Variants in CADM2 observed in about 807,000 individuals in gnomAD.
CADM2 encodes the protein cell adhesion molecule 2.
CADM2 carries 12 observed loss-of-function variants against 49.8 expected under a neutral mutation model. The observed-to-expected ratio is 0.24, with a 90% CI of 0.15 to 0.39. The LOEUF is 0.39. Among genes scored for constraint, CADM2 ranks in the 10% least tolerant of loss-of-function variants. The pLI, the probability that CADM2 is intolerant of heterozygous loss-of-function variation, is 1.00. For missense variants in CADM2, 378 were observed against 492.3 expected, an observed-to-expected ratio of 0.77 and a Z score of 2.20; for synonymous variants, 214 against 175.4, an observed-to-expected ratio of 1.22 and a Z score of -1.74.
At chr3:85,883,926 A>G (rs1310336050) in intron 4 of CADM2, among the ~76,000 whole-genome samples, 1 of 152,166 alleles carries the variant, frequency 6.6e-6, no homozygotes, top group Non-Finnish European at 1.5e-5. Context: ...GTGCATTTAA[A>G]TGACCCTGAT....
chr3:85,471,659 C>T (rs1416591005), intron 1 of CADM2, among the ~76,000 whole-genome samples: 4 of 145,284 alleles, frequency 2.8e-5, no homozygotes, highest in African/African-American at 5.1e-5. Flanking sequence ...AATCTAACTG[C>T]GTTTGTTTTT....
chr3:85,549,119 T>A (rs543366281), intron 1 of CADM2, among the ~76,000 whole-genome samples: 1 of 152,256 alleles, frequency 6.6e-6, no homozygotes, highest in South Asian at 2.1e-4. Context: ...AGGAGGAGTC[T>A]CAAGGGGTCA....
At chr3:85,888,385 T>C (rs1713964879) in intron 5 of CADM2, among the ~76,000 whole-genome samples, 1 of 152,170 alleles carries the variant, frequency 6.6e-6, no homozygotes, top group Non-Finnish European at 1.5e-5. Flanking sequence ...AGATTTTTGC[T>C]CATATGAAGA....
intron 1 of CADM2, among the ~76,000 whole-genome samples, chr3:85,107,894 T>C (rs555279425): frequency 4.6e-5 from 7 of 151,644 alleles, no homozygotes; most frequent in Non-Finnish European, 8.8e-5. Context: ...ATAGATAGGG[T>C]TTTGCAATGT....
chr3:85,165,881 C>T (rs1300256252), intron 1 of CADM2, among the ~76,000 whole-genome samples: 2 of 151,200 alleles, frequency 1.3e-5, no homozygotes, highest in Non-Finnish European at 3.0e-5. Flanking sequence ...TGTCTTGGGG[C>T]ATTTTGGCAT....
At chr3:86,038,962 A>G (rs912906979) in intron 8 of CADM2, among the ~76,000 whole-genome samples, 1 of 152,206 alleles carries the variant, frequency 6.6e-6, no homozygotes, top group Non-Finnish European at 1.5e-5. Flanking sequence ...ATTTAGAAGG[A>G]GAATCTGGAA....
Position 85,248,287 on chromosome 3 carries a change from T to G in CADM2, c.61+288619T>G, listed in dbSNP as rs576871550. On this transcript the variant is annotated intron_variant, in intron 1 of 9. Transcript: ENST00000383699. ...TCTATTTATTTATTTTTTTTTAACT[T>G]TTTTTGAGACAGAGTCTCGCTCGGT... Among the ~76,000 whole-genome samples the G allele has an allele frequency of 2.0e-5, 3 of 152,262 alleles. No individual in the cohort carries two copies. The South Asian group carries it at 6.2e-4, about 32-fold the overall frequency.
intron 1 of CADM2, among the ~76,000 whole-genome samples, chr3:85,038,339 G>A (rs1352747230): frequency 6.6e-6 from 1 of 152,180 alleles, no homozygotes; most frequent in Non-Finnish European, 1.5e-5. Flanking sequence ...TATGATATGT[G>A]TAAAGTTAGC....
chr3:85,736,920 A>G (rs2107812233), intron 2 of CADM2, among the ~76,000 whole-genome samples: 1 of 152,360 alleles, frequency 6.6e-6, no homozygotes, highest in East Asian at 1.9e-4. Context: ...GTCAGAGAGA[A>G]ATTGGCAGAT....
At chr3:85,758,652 G>A (rs1172212838) in intron 2 of CADM2, among the ~76,000 whole-genome samples, 1 of 152,094 alleles carries the variant, frequency 6.6e-6, no homozygotes, top group African/African-American at 2.4e-5. Flanking sequence ...GTTTAAGTAT[G>A]TAATCCATTA....
chr3:85,698,681 C>G (rs2066648863), intron 1 of CADM2, among the ~76,000 whole-genome samples: 1 of 152,140 alleles, frequency 6.6e-6, no homozygotes, highest in Non-Finnish European at 1.5e-5. Flanking sequence ...TGGTGCTAAA[C>G]CATTAGAAAC....
intron 8 of CADM2, among the ~76,000 whole-genome samples, chr3:85,976,949 A>C (rs1220056346): frequency 6.6e-6 from 1 of 151,530 alleles, no homozygotes; most frequent in Non-Finnish European, 1.5e-5. Context: ...GGAAAAATGT[A>C]TGCTTAATGC....
chr3:85,467,100 T>C (rs1379571838), intron 1 of CADM2, among the ~76,000 whole-genome samples: 8 of 152,186 alleles, frequency 5.3e-5, no homozygotes, highest in African/African-American at 1.9e-4. Flanking sequence ...TACCCTATGT[T>C]GACTACAAGA....
Position 85,349,540 on chromosome 3 carries a change from C to T in CADM2, c.62-376982C>T, listed in dbSNP as rs182259046. 6.6e-5 allele frequency among the ~76,000 whole-genome samples: 10 copies of T among 152,192 alleles called. No individual in the cohort carries two copies. In the East Asian group the frequency reaches 1.7e-3, roughly 26 times the overall value. On this transcript the variant is annotated intron_variant, in intron 1 of 9. Coordinates refer to ENST00000383699, the MANE Select transcript of CADM2 (RefSeq NM_001167675.2). ...TTTACTTTCATTTGGCATTACAGTG[C>T]GAGAAAGAATTGTTCCTATCCGGTT...
At position 85,535,065 on chromosome 3, in the gene CADM2, C is replaced by T. The variant is rs576724133; in HGVS notation, c.62-191457C>T. Among the ~76,000 whole-genome samples the T allele has an allele frequency of 6.2e-5, 8 of 129,942 alleles. No homozygotes were observed. In the East Asian group the frequency reaches 2.4e-3, roughly 39 times the overall value. 85.2% of individuals were successfully genotyped at this position (129,942 alleles called of 152,430 possible). On this transcript the variant is annotated intron_variant, in intron 1 of 9. Coordinates refer to ENST00000383699, the MANE Select transcript of CADM2 (RefSeq NM_001167675.2). ...CATAATATGTGACAAATGCAGTTCA[C>T]GATGTTACTCAGTAATTTGAGTTCA...
chr3:85,841,954 C>G (rs1471885115), intron 3 of CADM2, among the ~76,000 whole-genome samples: 6 of 151,970 alleles, frequency 3.9e-5, no homozygotes, highest in Non-Finnish European at 8.8e-5. Flanking sequence ...ATTATAGTTT[C>G]TGTCTTGTAA....
intron 1 of CADM2, among the ~76,000 whole-genome samples, chr3:85,321,134 T>A (rs1210866121): frequency 1.4e-3 from 24 of 17,492 alleles, no homozygotes; most frequent in African/African-American, 3.2e-3. Flanking sequence ...TTTTTTTTTT[T>A]TTTTTTTTTT....
chr3:85,975,877 A>C (rs1726714790), intron 8 of CADM2, among the ~76,000 whole-genome samples: 3 of 151,566 alleles, frequency 2.0e-5, no homozygotes, highest in Non-Finnish European at 4.4e-5. Flanking sequence ...CACATGCCAT[A>C]AATTTGACCA....
chr3:85,775,866 T>G (rs1463047454), intron 2 of CADM2, among the ~76,000 whole-genome samples: 1 of 151,926 alleles, frequency 6.6e-6, no homozygotes, highest in African/African-American at 2.4e-5. Flanking sequence ...CTAAATTACC[T>G]TTAAAATAAT....
Sources: allele counts gnomAD v4.1 joint callset (sites outside exome capture counted in the v4.1 genomes callset), GRCh38; gene constraint gnomAD v4.1.1; transcripts MANE v1.5; gene names NCBI Gene and HGNC (gene_info 2026-07-23, HGNC 2026-07-21).